The following ARHGAP35 variants were observed in gnomAD, a reference collection of about 807,000 sequenced individuals.
ARHGAP35 encodes rho GTPase-activating protein 35.
Under a neutral mutation model 111.1 loss-of-function variants are expected in ARHGAP35, and 15 were observed. The ratio of observed to expected loss-of-function variants is 0.13; its 90% CI spans 0.09 to 0.21. The LOEUF is 0.21. Ranked by LOEUF, ARHGAP35 falls within the 10% of genes least tolerant of loss-of-function variation. The pLI, the probability that ARHGAP35 is intolerant of heterozygous loss-of-function variation, is 1.00. For missense variants in ARHGAP35, 1,262 were observed against 1,873.0 expected (o/e 0.67, Z 6.02); for synonymous variants, 643 against 710.3 (o/e 0.91, Z 1.51).
chr19:46,914,471 G>T (rs1381518024), intron 1 of ARHGAP35, among the ~76,000 whole-genome samples: 1 of 151,746 alleles, frequency 6.6e-6, no homozygotes, highest in South Asian at 2.1e-4. Flanking sequence ...TAATAAATTA[G>T]CCAGGCATGA....
At chr19:46,954,287 G>A (rs2056427611) in intron 3 of ARHGAP35, among the ~76,000 whole-genome samples, 1 of 152,218 alleles carries the variant, frequency 6.6e-6, no homozygotes, top group African/African-American at 2.4e-5. Flanking sequence ...TCAGGCATCA[G>A]AACACCTGAG....
At chr19:46,952,593 CTCTGT>C (rs2056418581) in intron 3 of ARHGAP35, among the ~76,000 whole-genome samples, 1 of 152,242 alleles carries the variant, frequency 6.6e-6, no homozygotes, top group Non-Finnish European at 1.5e-5. Context: ...ATTGCTGAGC[CTCTGT>C]TCTTCCTCTG....
chr19:46,959,878 G>T (rs917476488), intron 3 of ARHGAP35, among the ~76,000 whole-genome samples: 2 of 151,870 alleles, frequency 1.3e-5, no homozygotes, highest in African/African-American at 4.8e-5. Context: ...CTAGAGGATC[G>T]CTTGAGCCTA....
In ARHGAP35 at chr19:46,975,297, A is replaced by G. The variant is rs114323669; in HGVS notation, c.3827-12692A>G. Among the ~76,000 whole-genome samples the G allele has an allele frequency of 6.2e-3, 951 of 152,280 alleles. 11 individuals carry two copies. Among genetic ancestry groups the G allele is most frequent in the African/African-American group, 0.022 (922 of 41,554 alleles). On this transcript the variant is annotated intron_variant, in intron 3 of 6. Transcript: ENST00000672722. ...TATATTTCTTCTACTACACTGCCCC[A>G]TCCCCTCCTGCAGGGGTCCTAAATT... is the stretch of plus-strand genomic sequence containing the variant.
chr19:46,919,264 G>A lies in ARHGAP35; in HGVS notation c.589G>A (p.Val197Met), dbSNP rs1174208428. Reference protein sequence around the residue: ...QLAKTKKPIVVVLTKCDEGVE... With the variant: ...QLAKTKKPIVMVLTKCDEGVE... ...TGCAAAAACAAAAAAGCCCATAGTGGTGGTCCTGACTAAGTGTGACGAAGG... is the reference window on the plus strand; with the variant it reads ...TGCAAAAACAAAAAAGCCCATAGTGATGGTCCTGACTAAGTGTGACGAAGG... The change falls in exon 2 of 7, where the codon GTG (valine) becomes ATG (methionine). Residue 197 changes from valine (V) to methionine (M), a missense_variant. Val to Met is a conservative substitution (Grantham distance 21). Transcript: ENST00000672722. This position sits in a 1 kb window ranked among gnomAD's most constrained non-coding sequence, Gnocchi z 6.2. 3 of 1,613,916 alleles carry A rather than the reference G, an allele frequency of 1.9e-6. No homozygotes were observed. The highest frequency in any genetic ancestry group is 2.5e-6 in the Non-Finnish European group (3 of 1,179,892).
chr19:46,998,959 C>T (rs1030314186), intron 5 of ARHGAP35: 5 of 242,650 alleles, frequency 2.1e-5, no homozygotes, highest in Admixed American at 2.0e-4. Flanking sequence ...AGGCTTTCTG[C>T]GTAGGGATGC....
In ARHGAP35 at chr19:47,003,693, G is replaced by C. The variant is rs2056760464; in HGVS notation, c.*3005G>C. On this transcript the variant is annotated 3_prime_UTR_variant, in exon 7 of 7. Transcript: ENST00000672722. Reference sequence around the variant, plus strand: ...CTCCACCGCCTTGGTTTTGCTTCCTGCTGGAGGCAGGGCACCTGCTGCGAC... The same window carrying C: ...CTCCACCGCCTTGGTTTTGCTTCCTCCTGGAGGCAGGGCACCTGCTGCGAC... 6.6e-6 allele frequency: 1 copy of C among 152,208 alleles called. No individual in the cohort carries two copies. The highest frequency in any genetic ancestry group is 6.5e-5 in the Admixed American group (1 of 15,286). 9.4% of individuals were successfully genotyped at this position (152,208 alleles called of 1,614,324 possible).
In ARHGAP35 at chr19:46,921,764, A is replaced by G. The variant is rs2056202444; in HGVS notation, c.3089A>G (p.Glu1030Gly). ...DGLSFIMSNF[E>G]SKLNNKVPPP... ...CTGTCTTTCATTATGAGCAATTTTG[A>G]GAGTAAACTGAACAACAAAGTACCT... is the stretch of plus-strand genomic sequence containing the variant. Residue 1030 changes from glutamate (E) to glycine (G), a missense_variant, in exon 2 of 7, where the codon GAG becomes GGG. Transcript: ENST00000672722. This position sits in a 1 kb window ranked among gnomAD's most constrained non-coding sequence, Gnocchi z 4.3. 6.2e-7 allele frequency: 1 copy of G among 1,614,024 alleles called. No homozygotes were observed. The highest frequency in any genetic ancestry group is 8.5e-7 in the Non-Finnish European group (1 of 1,179,896).
intron 3 of ARHGAP35, among the ~76,000 whole-genome samples, chr19:46,968,604 C>T (rs1029592016): frequency 6.6e-6 from 1 of 152,048 alleles, no homozygotes; most frequent in Non-Finnish European, 1.5e-5. Context: ...GAATGGATAA[C>T]GAGATATAAT....
intron 1 of ARHGAP35, among the ~76,000 whole-genome samples, chr19:46,884,477 AAAT>A (rs2055982672): frequency 6.6e-6 from 1 of 151,840 alleles, no homozygotes; most frequent in Non-Finnish European, 1.5e-5. Context: ...CTCATCTATA[AAAT>A]AATGATGATA....
In ARHGAP35 at chr19:46,919,416, T is replaced by C. The variant is rs768527376; in HGVS notation, c.741T>C (p.Ile247=). 3.1e-6 allele frequency: 5 copies of C among 1,613,890 alleles called. No homozygotes were observed. The highest frequency in any genetic ancestry group is 1.3e-5 in the African/African-American group (1 of 74,924). ...DLAFSTLVQL[I]DKSRGKTKII... is the part of the protein sequence containing the mutation. ...CTTTCAGCACCTTAGTGCAACTCAT[T>C]GATAAAAGTCGGGGAAAGACAAAAA... The change falls in exon 2 of 7, where the codon ATT becomes ATC. Residue 247 remains isoleucine, a synonymous_variant. Coordinates refer to ENST00000672722, the MANE Select transcript of ARHGAP35 (RefSeq NM_004491.5). This position sits in a 1 kb window ranked among gnomAD's most constrained non-coding sequence, Gnocchi z 6.2.
At chr19:46,978,157 G>A (rs1401301289) in intron 3 of ARHGAP35, among the ~76,000 whole-genome samples, 6 of 152,150 alleles carry the variant, frequency 3.9e-5, no homozygotes, top group Admixed American at 3.9e-4. Context: ...AGAAGTTTGT[G>A]TTGTACCCTA....
intron 3 of ARHGAP35, among the ~76,000 whole-genome samples, chr19:46,960,168 G>A (rs1411237553): frequency 1.3e-5 from 2 of 151,442 alleles, no homozygotes. Context: ...TGAGGAATGT[G>A]TGCTTATGCC....
chr19:46,861,537 A>G lies in ARHGAP35; in HGVS notation c.-189+328A>G, dbSNP rs1354785434. Among the ~76,000 whole-genome samples the G allele has an allele frequency of 4.8e-5, 5 of 103,954 alleles. No homozygotes were observed. The Admixed American group carries it at 5.4e-4, about 11-fold the overall frequency. The allele number at this position is 103,954 out of a possible 152,430, so 68.2% of individuals were successfully genotyped here. On this transcript the variant is annotated intron_variant, in intron 1 of 6. Coordinates refer to ENST00000672722, the MANE Select transcript of ARHGAP35 (RefSeq NM_004491.5). ...ACCCGACTTCAGCCAACCGGTTCCC[A>G]ATTCTGCGCCCCCCTTCCCCCTTCC...
chr19:46,890,584 C>T (rs1452692461), intron 1 of ARHGAP35, among the ~76,000 whole-genome samples: 1 of 152,186 alleles, frequency 6.6e-6, no homozygotes, highest in Non-Finnish European at 1.5e-5. Flanking sequence ...AACAGGAACA[C>T]AGGAGAGGTT....
chr19:46,971,155 G>A (rs575641529), intron 3 of ARHGAP35, among the ~76,000 whole-genome samples: 3 of 152,246 alleles, frequency 2.0e-5, no homozygotes, highest in Admixed American at 2.0e-4. Flanking sequence ...CGCCTATAAT[G>A]CCAGCACTTT....
At chr19:46,899,658 C>T (rs1465674844) in intron 1 of ARHGAP35, among the ~76,000 whole-genome samples, 2 of 151,642 alleles carry the variant, frequency 1.3e-5, no homozygotes, top group African/African-American at 4.9e-5. Context: ...CATAATCGCG[C>T]CACTACACTC....
In ARHGAP35 at chr19:46,906,949, CGCGATGGCACATGCCTGTAGT is replaced by C. The variant is rs1339272967; in HGVS notation, c.-188-11538_-188-11518del. On this transcript the variant is annotated intron_variant, in intron 1 of 6. Coordinates refer to ENST00000672722, the MANE Select transcript of ARHGAP35 (RefSeq NM_004491.5). ...ACAAAAAATACAGAAGTTAGCCAGG[CGCGATGGCACATGCCTGTAGT>C]CCCAGCTACTCTGGCGGCTGAGGTG... Among the ~76,000 whole-genome samples, 6 of 152,088 alleles carry C rather than the reference CGCGATGGCACATGCCTGTAGT, an allele frequency of 3.9e-5. No individual in the cohort carries two copies. The East Asian group carries it at 1.2e-3, about 30-fold the overall frequency.
intron 3 of ARHGAP35, chr19:46,948,583 C>T (rs540365600): frequency 1.3e-5 from 2 of 152,266 alleles, no homozygotes; most frequent in African/African-American, 4.8e-5. Flanking sequence ...ACTTCTCATT[C>T]ATTAAAGGGA....
Sources: allele counts gnomAD v4.1 joint callset (sites outside exome capture counted in the v4.1 genomes callset), GRCh38; gene constraint gnomAD v4.1.1; non-coding constraint Gnocchi (gnomAD v3.1); transcripts MANE v1.5; gene names NCBI Gene and HGNC (gene_info 2026-07-23, HGNC 2026-07-21).